The following FAT3 variants were observed in gnomAD, a reference collection of about 807,000 sequenced individuals.
The protein encoded by FAT3 is protocadherin Fat 3.
Under a neutral mutation model 310.2 loss-of-function variants are expected in FAT3, and 95 were observed. That is an observed-to-expected ratio of 0.31 (90% CI 0.26 to 0.36). FAT3 has a LOEUF of 0.36. Ranked by LOEUF, FAT3 falls within the 10% of genes least tolerant of loss-of-function variation. FAT3 has a pLI of 1.00. For synonymous variants in FAT3, 2,314 were observed against 2,192.9 expected (o/e 1.06, Z -1.54); for missense variants, 5,408 against 5,715.6 (o/e 0.95, Z 1.74).
At chr11:92,281,705 G>C (rs1444604502) in intron 1 of FAT3, among the ~76,000 whole-genome samples, 1 of 152,136 alleles carries the variant, frequency 6.6e-6, no homozygotes, top group African/African-American at 2.4e-5. Context: ...AGAAACAAAG[G>C]CTTCTCTGGA....
At chr11:92,515,142 A>G (rs1436430428) in intron 2 of FAT3, among the ~76,000 whole-genome samples, 4 of 152,164 alleles carry the variant, frequency 2.6e-5, no homozygotes, top group East Asian at 1.9e-4. Context: ...AGTGCCTACT[A>G]TATGTCAGGC....
At position 92,322,076 on chromosome 11, in the gene FAT3, A is replaced by C. The variant is rs74743119; in HGVS notation, c.-17-30020A>C. 3.1e-3 allele frequency among the ~76,000 whole-genome samples: 479 copies of C among 152,310 alleles called. 3 individuals carry two copies. Among genetic ancestry groups the C allele is most frequent in the African/African-American group, 0.011 (466 of 41,564 alleles). ...GATGTAGGCCTTGTCCTAAGGTCCA[A>C]GAAGAAAACATGAATGTAAGATAAT... is the stretch of plus-strand genomic sequence containing the variant. On this transcript the variant is annotated intron_variant, in intron 1 of 27. Coordinates refer to ENST00000525166, the MANE Select transcript of FAT3 (RefSeq NM_001367949.2).
At chr11:92,685,152 A>G (rs1200382604) in intron 3 of FAT3, among the ~76,000 whole-genome samples, 4 of 152,206 alleles carry the variant, frequency 2.6e-5, no homozygotes, top group African/African-American at 9.6e-5. Context: ...TAGGTTATCA[A>G]TCCCTACTTA....
At chr11:92,476,442 G>C (rs2135172372) in intron 2 of FAT3, among the ~76,000 whole-genome samples, 1 of 152,290 alleles carries the variant, frequency 6.6e-6, no homozygotes, top group Non-Finnish European at 1.5e-5. Flanking sequence ...GGCAGAAAGA[G>C]AGTTTAGAAT....
chr11:92,268,870 A>G (rs1462845839), intron 1 of FAT3, among the ~76,000 whole-genome samples: 1 of 152,206 alleles, frequency 6.6e-6, no homozygotes, highest in Non-Finnish European at 1.5e-5. Flanking sequence ...AAGAAAAAAG[A>G]AACATTTTCA....
intron 24 of FAT3, among the ~76,000 whole-genome samples, chr11:92,886,276 T>TA (rs1949794192): frequency 6.6e-6 from 1 of 152,168 alleles, no homozygotes. Context: ...AACCTCAAGA[T>TA]ATAGGCTGTT....
Position 92,462,609 on chromosome 11 carries a change from A to C in FAT3, c.3293-62025A>C, listed in dbSNP as rs188966678. Among the ~76,000 whole-genome samples the C allele has an allele frequency of 3.3e-5, 5 of 152,248 alleles. No individual in the cohort carries two copies. The East Asian group carries it at 9.6e-4, about 29-fold the overall frequency. ...AAGACCACCTAGAGAACTTCTTCCA[A>C]AGCAGAGACTCCTTTGTTTCTTATT... On this transcript the variant is annotated intron_variant, in intron 2 of 27. Transcript: ENST00000525166.
intron 1 of FAT3, among the ~76,000 whole-genome samples, chr11:92,228,587 A>T (rs1864021970): frequency 6.6e-6 from 1 of 152,212 alleles, no homozygotes; most frequent in Non-Finnish European, 1.5e-5. Context: ...AATTATGTCA[A>T]ATAGAAAGAA....
At chr11:92,311,011 T>G (rs1947285691) in intron 1 of FAT3, among the ~76,000 whole-genome samples, 1 of 151,552 alleles carries the variant, frequency 6.6e-6, no homozygotes, top group African/African-American at 2.4e-5. Flanking sequence ...TATGTATATA[T>G]ATACACATAT....
At chr11:92,868,029 T>C (rs1949292152) in intron 22 of FAT3, among the ~76,000 whole-genome samples, 1 of 152,176 alleles carries the variant, frequency 6.6e-6, no homozygotes, top group Non-Finnish European at 1.5e-5. Context: ...GCAGTGTCTG[T>C]GTTAATGTAA....
chr11:92,356,565 C>G (rs1194090669), intron 2 of FAT3, among the ~76,000 whole-genome samples: 1 of 152,174 alleles, frequency 6.6e-6, no homozygotes, highest in Non-Finnish European at 1.5e-5. Context: ...CAACTTCTTT[C>G]CATGTCACAT....
chr11:92,459,003 A>T (rs1951570190), intron 2 of FAT3, among the ~76,000 whole-genome samples: 1 of 152,192 alleles, frequency 6.6e-6, no homozygotes, highest in South Asian at 2.1e-4. Flanking sequence ...TGTTAAGAAA[A>T]TTGATTATAT....
chr11:92,802,890 A>G (rs938342332), intron 10 of FAT3, among the ~76,000 whole-genome samples: 1 of 152,154 alleles, frequency 6.6e-6, no homozygotes, highest in Non-Finnish European at 1.5e-5. Flanking sequence ...TCACTGCAGA[A>G]TAAGATCCAC....
At chr11:92,395,693 C>T (rs1298986109) in intron 2 of FAT3, among the ~76,000 whole-genome samples, 4 of 151,994 alleles carry the variant, frequency 2.6e-5, no homozygotes, top group Non-Finnish European at 4.4e-5. Context: ...ATTCTCCTGC[C>T]TCACCCTCCT....
chr11:92,745,454 G>T (rs558284507), intron 4 of FAT3, among the ~76,000 whole-genome samples: 14 of 152,052 alleles, frequency 9.2e-5, no homozygotes, highest in Non-Finnish European at 1.6e-4. Context: ...TTGAGGAGGT[G>T]TTTAGTTCCT....
chr11:92,529,567 C>A (rs1326535410), intron 3 of FAT3, among the ~76,000 whole-genome samples: 1 of 150,580 alleles, frequency 6.6e-6, no homozygotes, highest in East Asian at 1.9e-4. Context: ...TTTGTTTTTT[C>A]CAATCTTCCT....
intron 1 of FAT3, among the ~76,000 whole-genome samples, chr11:92,243,915 A>T (rs1013294688): frequency 1.3e-5 from 2 of 152,138 alleles, no homozygotes; most frequent in East Asian, 1.9e-4. Flanking sequence ...AACAATTGAT[A>T]AAGATCAAAA....
In FAT3 at chr11:92,809,947, C is replaced by T; in HGVS notation, c.9352C>T (p.His3118Tyr). The T allele has an allele frequency of 6.2e-7, 1 of 1,613,936 alleles. No homozygotes were observed. Among genetic ancestry groups the T allele is most frequent in the Non-Finnish European group, 8.5e-7 (1 of 1,179,808 alleles). Residue 3118 changes from histidine to tyrosine, a missense_variant, in exon 13 of 28, where the codon CAC becomes TAC. His to Tyr is a moderately conservative substitution (Grantham distance 83). Coordinates refer to ENST00000525166, the MANE Select transcript of FAT3 (RefSeq NM_001367949.2). ...GGGRFCQSNI[H>Y]LILEDVNDNP... ...TGGCAGGTTCTGCCAGTCCAACATC[C>T]ACCTAATCCTGGAGGATGTGAATGA...
rs767505080 is a variant in FAT3, at chr11:92,866,839, G to T, written c.11757G>T (p.Ser3919=). 3.1e-6 allele frequency: 5 copies of T among 1,613,910 alleles called. No individual in the cohort carries two copies. Among genetic ancestry groups the T allele is most frequent in the Non-Finnish European group, 4.2e-6 (5 of 1,179,862 alleles). ...CTGTCAACGACGGGAGCTGGCACTC[G>T]GTCTTCCTGGAGCTCAACCGCAATT... The part of the protein sequence containing the change: ...GRAVNDGSWH[S]VFLELNRNFT... The change falls in exon 22 of 28, where the codon TCG becomes TCT. Residue 3919 remains serine, a synonymous_variant. Transcript: ENST00000525166.
Sources: gnomAD v4.1 joint callset for allele counts (sites outside exome capture counted in the v4.1 genomes callset) on GRCh38, gnomAD v4.1.1 for gene constraint, MANE v1.5 for transcripts, NCBI Gene and HGNC (gene_info 2026-07-23, HGNC 2026-07-21) for gene names.